NEDD9: variants seen among roughly 807,000 people sequenced by gnomAD.
The protein encoded by NEDD9 is neural precursor cell expressed, developmentally down-regulated 9, also known as enhancer of filamentation 1.
In NEDD9, 26 loss-of-function variants were observed where a neutral mutation model predicts 76.6. That is an observed-to-expected ratio of 0.34 (90% CI 0.25 to 0.47). The LOEUF (loss-of-function observed/expected upper bound fraction) is 0.47. NEDD9 is among the 20% of genes least tolerant of loss of function. The probability of loss-of-function intolerance (pLI) is 1.00; values close to 1 mark genes in which losing one functional copy is unlikely to be tolerated. For missense variants in NEDD9, 937 were observed against 1,058.5 expected (o/e 0.89, Z 1.59); for synonymous variants, 392 against 414.2 (o/e 0.95, Z 0.65).
Position 11,223,986 on chromosome 6 carries a change from C to T in NEDD9, c.12+8518G>A, listed in dbSNP as rs544350944. ...AGTCTCTAGAGTGACCATGTGCTTC[C>T]GGACTCTCCCAGGCAGTCCCCAGGT... is the stretch of plus-strand genomic sequence containing the variant. On this transcript the variant is annotated intron_variant, in intron 1 of 6. Coordinates refer to ENST00000379446, the MANE Select transcript of NEDD9 (RefSeq NM_006403.4). 5.9e-5 allele frequency among the ~76,000 whole-genome samples: 9 copies of T among 152,284 alleles called. No homozygotes were observed. In the East Asian group the frequency reaches 1.2e-3, roughly 20 times the overall value.
intron 3 of NEDD9, among the ~76,000 whole-genome samples, chr6:11,300,700 G>A (rs1005344325): frequency 2.6e-5 from 4 of 152,196 alleles, no homozygotes; most frequent in African/African-American, 7.2e-5. Flanking sequence ...GAGAGTGGGG[G>A]CCAATATTCA....
chr6:11,264,465 G>C (rs888274972), intron 3 of NEDD9, among the ~76,000 whole-genome samples: 2 of 152,156 alleles, frequency 1.3e-5, no homozygotes, highest in Admixed American at 1.3e-4. Flanking sequence ...TAGCCCAGTT[G>C]TTCCTTGAGT....
At position 11,185,147 on chromosome 6, in the gene NEDD9, CTCTTT is replaced by C. The variant is rs1253465294; in HGVS notation, c.*10_*14del. Reference sequence around the variant, plus strand: ...AGTAACCGTTAACGCAGTCCCCTTCCTCTTTTTTTTCTTCTCAGAACGTTGCCATC... The same window carrying C: ...AGTAACCGTTAACGCAGTCCCCTTCCTTTTTCTTCTCAGAACGTTGCCATC... On this transcript the variant is annotated 3_prime_UTR_variant, in exon 7 of 7. Coordinates refer to ENST00000379446, the MANE Select transcript of NEDD9 (RefSeq NM_006403.4). 3 of 1,600,548 alleles carry C rather than the reference CTCTTT, an allele frequency of 1.9e-6. No individual in the cohort carries two copies. In the Admixed American group the frequency reaches 5.1e-5, roughly 27 times the overall value.
intron 3 of NEDD9, among the ~76,000 whole-genome samples, chr6:11,285,136 A>G (rs917441866): frequency 2.0e-5 from 3 of 152,140 alleles, no homozygotes; most frequent in Admixed American, 1.3e-4. Flanking sequence ...TTTGCTTTTT[A>G]TAGTCCCTGC....
chr6:11,377,431 A>G (rs529255960), intron 1 of NEDD9, among the ~76,000 whole-genome samples: 2 of 152,370 alleles, frequency 1.3e-5, no homozygotes, highest in South Asian at 4.1e-4. Flanking sequence ...GTGTGCCCTA[A>G]ATGTAGGACT....
At chr6:11,187,842 G>A (rs1758016935) in intron 6 of NEDD9, among the ~76,000 whole-genome samples, 1 of 152,206 alleles carries the variant, frequency 6.6e-6, no homozygotes, top group Non-Finnish European at 1.5e-5. Flanking sequence ...GTTCTCCCCA[G>A]ACCTGGCTCT....
exon 1 of NEDD9, chr6:11,382,181 C>T (rs967101524): frequency 1.3e-4 from 20 of 152,390 alleles, no homozygotes; most frequent in African/African-American, 3.8e-4. Flanking sequence ...CTTGCCTCCC[C>T]GACGCTCTGG....
chr6:11,333,060 AAGGG>A (rs373591507), intron 2 of NEDD9, among the ~76,000 whole-genome samples: 635 of 23,114 alleles, frequency 0.027, 6 homozygotes, highest in African/African-American at 0.14. Context: ...GGAAGGAAGG[AAGGG>A]AGGGAGGGAG....
intron 1 of NEDD9, among the ~76,000 whole-genome samples, chr6:11,340,053 TC>T (rs754935842): frequency 6.6e-6 from 1 of 152,180 alleles, no homozygotes; most frequent in Non-Finnish European, 1.5e-5. Context: ...CCTTCAGAAT[TC>T]CCTTCCCTTT....
intron 2 of NEDD9, among the ~76,000 whole-genome samples, chr6:11,323,274 AC>A (rs1459787279): frequency 6.6e-6 from 1 of 152,336 alleles, no homozygotes; most frequent in South Asian, 2.1e-4. Flanking sequence ...ACTTTACTAT[AC>A]CCCCAGGCCT....
At chr6:11,321,731 T>C (rs1304441972) in intron 2 of NEDD9, among the ~76,000 whole-genome samples, 1 of 152,194 alleles carries the variant, frequency 6.6e-6, no homozygotes, top group Non-Finnish European at 1.5e-5. Flanking sequence ...TGCCAGACTA[T>C]TTAAAAGCAA....
At chr6:11,262,963 T>C (rs1178754738) in intron 3 of NEDD9, among the ~76,000 whole-genome samples, 2 of 152,236 alleles carry the variant, frequency 1.3e-5, no homozygotes, top group African/African-American at 4.8e-5. Context: ...TCAATTTTTT[T>C]CCCATTTCCT....
chr6:11,265,342 A>G (rs2113332100), intron 3 of NEDD9, among the ~76,000 whole-genome samples: 1 of 152,348 alleles, frequency 6.6e-6, no homozygotes, highest in Middle Eastern at 3.4e-3. Flanking sequence ...GTGTGGTTTC[A>G]GGTGAAGATT....
intron 2 of NEDD9, among the ~76,000 whole-genome samples, chr6:11,204,870 C>T (rs1758561719): frequency 6.6e-6 from 1 of 152,032 alleles, no homozygotes; most frequent in Admixed American, 6.6e-5. Context: ...CTGGATCAGC[C>T]CACTCTGAAA....
At chr6:11,196,749 T>C (rs1758304499) in intron 2 of NEDD9, among the ~76,000 whole-genome samples, 1 of 151,888 alleles carries the variant, frequency 6.6e-6, no homozygotes. Context: ...TAATTCACGT[T>C]GGTCCACAAA....
chr6:11,266,506 C>A (rs1760205511), intron 3 of NEDD9, among the ~76,000 whole-genome samples: 1 of 152,178 alleles, frequency 6.6e-6, no homozygotes, highest in Admixed American at 6.5e-5. Flanking sequence ...AATTCCCTTA[C>A]AAGAGTGAGC....
chr6:11,311,731 G>A (rs565444330), intron 2 of NEDD9, among the ~76,000 whole-genome samples: 92 of 152,298 alleles, frequency 6.0e-4, no homozygotes, highest in Non-Finnish European at 1.1e-3. Context: ...GACTGGGTCG[G>A]GTGCAGTGGC....
At chr6:11,269,141 C>T (rs1760255412) in intron 3 of NEDD9, among the ~76,000 whole-genome samples, 1 of 152,192 alleles carries the variant, frequency 6.6e-6, no homozygotes, top group South Asian at 2.1e-4. Context: ...GATGGCAGTG[C>T]AAGGTAAACC....
intron 2 of NEDD9, among the ~76,000 whole-genome samples, chr6:11,320,735 C>A (rs900276476): frequency 2.0e-5 from 3 of 152,126 alleles, no homozygotes; most frequent in Non-Finnish European, 4.4e-5. Context: ...AAGGTCTTTA[C>A]GTTTGGAAAG....
Sources: gnomAD v4.1 joint callset for allele counts (sites outside exome capture counted in the v4.1 genomes callset) on GRCh38, gnomAD v4.1.1 for gene constraint, MANE v1.5 for transcripts, NCBI Gene and HGNC (gene_info 2026-07-23, HGNC 2026-07-21) for gene names.